Variants in BNC2 observed in about 807,000 individuals in gnomAD.
The protein encoded by BNC2 is zinc finger protein basonuclin-2.
A neutral mutation model predicts 76.3 loss-of-function variants in BNC2; 20 were observed. The ratio of observed to expected loss-of-function variants is 0.26; its 90% CI spans 0.18 to 0.38. The LOEUF (loss-of-function observed/expected upper bound fraction) is 0.38. BNC2 is among the 10% of genes least tolerant of loss of function. The pLI, the probability that BNC2 is intolerant of heterozygous loss-of-function variation, is 1.00. For missense variants in BNC2, 1,382 were observed against 1,399.8 expected (o/e 0.99, Z 0.20); for synonymous variants, 582 against 514.8 (o/e 1.13, Z -1.77).
chr9:16,822,444 A>T (rs1301391436), intron 1 of BNC2, among the ~76,000 whole-genome samples: 1 of 152,200 alleles, frequency 6.6e-6, no homozygotes, highest in Non-Finnish European at 1.5e-5. Flanking sequence ...GCAGCCTTTT[A>T]AACTCTCAGT....
chr9:16,534,910 G>A (rs1481729854), intron 5 of BNC2, among the ~76,000 whole-genome samples: 2 of 152,092 alleles, frequency 1.3e-5, no homozygotes, highest in African/African-American at 4.8e-5. Context: ...ACATGTAGCA[G>A]TATCTGTTAA....
At chr9:16,550,611 C>T (rs1481094284) in intron 5 of BNC2, among the ~76,000 whole-genome samples, 1 of 152,144 alleles carries the variant, frequency 6.6e-6, no homozygotes, top group African/African-American at 2.4e-5. Context: ...CCAACATAGC[C>T]CTGCACATAC....
At position 16,726,469 on chromosome 9, in the gene BNC2, T is replaced by C. The variant is rs79989500; in HGVS notation, c.330+1328A>G. On this transcript the variant is annotated intron_variant, in intron 3 of 6. Coordinates refer to ENST00000380672, the MANE Select transcript of BNC2 (RefSeq NM_017637.6). ...TCTAAACTTGTAGTAGTTTATAGCC[T>C]GGCAAATTGTTTTTTTTTTATTATC... Among the ~76,000 whole-genome samples, 507 of 148,494 alleles carry C rather than the reference T, an allele frequency of 3.4e-3. 3 individuals are homozygous for C. The highest frequency in any genetic ancestry group is 0.012 in the African/African-American group (484 of 39,620).
intron 1 of BNC2, among the ~76,000 whole-genome samples, chr9:16,750,403 G>T (rs560573037): frequency 6.6e-6 from 1 of 152,256 alleles, no homozygotes; most frequent in South Asian, 2.1e-4. Flanking sequence ...AACAGCATAT[G>T]GCTTTACCAC....
At chr9:16,856,998 A>G (rs1819274456) in intron 1 of BNC2, among the ~76,000 whole-genome samples, 2 of 152,346 alleles carry the variant, frequency 1.3e-5, no homozygotes, top group South Asian at 2.1e-4. Context: ...ATAATAGCAT[A>G]TATGATTTTG....
At chr9:16,599,718 G>A (rs1292384147) in intron 3 of BNC2, among the ~76,000 whole-genome samples, 1 of 152,176 alleles carries the variant, frequency 6.6e-6, no homozygotes, top group African/African-American at 2.4e-5. Flanking sequence ...CGGAGGCAGA[G>A]GTTGCAGTGA....
intron 1 of BNC2, among the ~76,000 whole-genome samples, chr9:16,841,209 T>G (rs1586926206): frequency 6.6e-6 from 1 of 152,326 alleles, no homozygotes; most frequent in East Asian, 1.9e-4. Context: ...GTGCTGATCC[T>G]TACCCAAACT....
At chr9:16,646,764 C>T (rs971753229) in intron 3 of BNC2, among the ~76,000 whole-genome samples, 2 of 151,858 alleles carry the variant, frequency 1.3e-5, no homozygotes, top group African/African-American at 4.8e-5. Context: ...TTAAGAAATT[C>T]GGGGTTAAAT....
At position 16,436,530 on chromosome 9, in the gene BNC2, G is replaced by A; in HGVS notation, c.1664C>T (p.Pro555Leu). The change falls in exon 6 of 7, where the codon CCT (proline) becomes CTT (leucine). Residue 555 changes from proline to leucine, a missense_variant. Physicochemically the swap from Pro to Leu is moderately conservative, Grantham distance 98 (BLOSUM62 -3). Transcript: ENST00000380672. The part of the protein sequence containing the change: ...PLDPVLQNPL[P>L]SQLVFSGLKT... ...TAGCCCAGAAAATACTAGCTGGCTA[G>A]GGAGAGGATTTTGCAAGACAGGGTC... is the stretch of plus-strand genomic sequence containing the variant. 1 of 1,614,150 alleles carries A rather than the reference G, an allele frequency of 6.2e-7. No individual in the cohort carries two copies.
chr9:16,470,905 G>A (rs1338712936), intron 5 of BNC2, among the ~76,000 whole-genome samples: 3 of 152,236 alleles, frequency 2.0e-5, no homozygotes, highest in African/African-American at 4.8e-5. Flanking sequence ...GCACTGCTTC[G>A]TGGAGCTGTG....
chr9:16,853,465 G>A (rs932454077), intron 1 of BNC2, among the ~76,000 whole-genome samples: 5 of 150,492 alleles, frequency 3.3e-5, no homozygotes, highest in South Asian at 2.1e-4. Context: ...GATTTTCAAC[G>A]TAACTTTCTA....
chr9:16,548,098 G>C (rs1271121095), intron 5 of BNC2, among the ~76,000 whole-genome samples: 1 of 152,136 alleles, frequency 6.6e-6, no homozygotes, highest in Non-Finnish European at 1.5e-5. Context: ...TAAATATTCA[G>C]AGTGTCTCAA....
chr9:16,611,921 A>C (rs1357370637), intron 3 of BNC2, among the ~76,000 whole-genome samples: 1 of 152,184 alleles, frequency 6.6e-6, no homozygotes, highest in Non-Finnish European at 1.5e-5. Flanking sequence ...ATATTCCTCC[A>C]TATAAAAATA....
intron 1 of BNC2, among the ~76,000 whole-genome samples, chr9:16,752,497 A>G (rs979706756): frequency 1.3e-4 from 20 of 152,250 alleles, no homozygotes; most frequent in African/African-American, 4.8e-4. Flanking sequence ...AGCTGACTGA[A>G]GCTGTGAATT....
chr9:16,543,109 C>T (rs1471427696), intron 5 of BNC2, among the ~76,000 whole-genome samples: 1 of 152,138 alleles, frequency 6.6e-6, no homozygotes, highest in Non-Finnish European at 1.5e-5. Flanking sequence ...CTGGAAGACT[C>T]ATAAAGCTCC....
chr9:16,801,289 C>G (rs1368320719), intron 1 of BNC2, among the ~76,000 whole-genome samples: 1 of 152,142 alleles, frequency 6.6e-6, no homozygotes, highest in Admixed American at 6.5e-5. Context: ...CTCTGTCACC[C>G]AGGCTGGAGT....
At chr9:16,836,725 A>T (rs72713810) in intron 1 of BNC2, among the ~76,000 whole-genome samples, 14,673 of 152,244 alleles carry the variant, frequency 0.096, 954 homozygotes, top group Non-Finnish European at 0.14. Flanking sequence ...ACTGGGACTA[A>T]CAAATCCCAT....
chr9:16,651,880 T>C (rs1401741640), intron 3 of BNC2, among the ~76,000 whole-genome samples: 3 of 152,184 alleles, frequency 2.0e-5, no homozygotes, highest in Admixed American at 2.0e-4. Context: ...AGAAAGACGA[T>C]TAGCATGTAT....
At chr9:16,458,776 C>A (rs1284699336) in intron 5 of BNC2, among the ~76,000 whole-genome samples, 3 of 152,248 alleles carry the variant, frequency 2.0e-5, no homozygotes, top group Non-Finnish European at 4.4e-5. Context: ...TAAGCACTCA[C>A]TATGTGCCGG....
Sources: gnomAD v4.1 joint callset for allele counts (sites outside exome capture counted in the v4.1 genomes callset) on GRCh38, gnomAD v4.1.1 for gene constraint, MANE v1.5 for transcripts, NCBI Gene and HGNC (gene_info 2026-07-23, HGNC 2026-07-21) for gene names.